Variants in ROS1 observed in about 807,000 individuals in gnomAD.
ROS1 encodes the protein ROS proto-oncogene 1, receptor tyrosine kinase, also known as proto-oncogene tyrosine-protein kinase ROS.
In ROS1, 263 loss-of-function variants were observed where a neutral mutation model predicts 273.5. That is an observed-to-expected ratio of 0.96 (90% confidence interval 0.87 to 1.06). The LOEUF (loss-of-function observed/expected upper bound fraction) is 1.06. ROS1 is among the 50% of genes least tolerant of loss of function. ROS1 has a pLI of 0.00. For synonymous variants in ROS1, 1,008 were observed against 954.1 expected, an observed-to-expected ratio of 1.06 and a Z score of -1.04; for missense variants, 2,833 against 2,751.1, an observed-to-expected ratio of 1.03 and a Z score of -0.67.
chr6:117,378,984 T>C, intron 18 of ROS1, 75 bp downstream of exon 18: 1 of 879,278 alleles, frequency 1.1e-6, no homozygotes, highest in Non-Finnish European at 1.8e-6. Flanking sequence ...AAGGAATAAA[T>C]GAATTTCCAT....
rs17079055 is a variant in ROS1, at chr6:117,337,471, T to A, written c.5062-131A>T. The stretch of plus-strand genomic sequence containing the variant: ...TTCTATTAAAGAATAAGAACTTCTT[T>A]ATGAATGATCCCAAACATTACCCCA... On this transcript the variant is annotated intron_variant, in intron 31 of 43. Coordinates refer to ENST00000368507, the MANE Select transcript of ROS1 (RefSeq NM_001378902.1). The A allele has an allele frequency of 5.7e-3, 3,847 of 675,740 alleles. 123 individuals are homozygous for A. The African/African-American group carries it at 0.061, about 11-fold the overall frequency. 41.9% of individuals were successfully genotyped at this position (675,740 alleles called of 1,614,324 possible).
At chr6:117,315,171 T>C (rs1466503276) in intron 39 of ROS1, among the ~76,000 whole-genome samples, 2 of 152,036 alleles carry the variant, frequency 1.3e-5, no homozygotes, top group Non-Finnish European at 2.9e-5. Context: ...TTTTTAATTC[T>C]ACAAAAAGAT....
chr6:117,311,041 T>C lies in ROS1; in HGVS notation c.6194A>G (p.Glu2065Gly). Residue 2065 changes from glutamate (E) to glycine (G), a missense_variant, in exon 40 of 44, where the codon GAA (glutamate) becomes GGA (glycine). Coordinates refer to ENST00000368507, the MANE Select transcript of ROS1 (RefSeq NM_001378902.1). ...GTACCTGTGAATGAAATGCATCCGT[T>C]CCAAGTAGACACAGCCTTTTGAAAT... ...VDISKGCVYL[E>G]RMHFIHRDLA... is the part of the protein sequence containing the mutation. 1 of 1,610,244 alleles carries C rather than the reference T, an allele frequency of 6.2e-7. No homozygotes were observed. Among genetic ancestry groups the C allele is most frequent in the Non-Finnish European group, 8.5e-7 (1 of 1,177,544 alleles).
At chr6:117,294,956 A>C (rs1774108815) in intron 43 of ROS1, among the ~76,000 whole-genome samples, 1 of 152,176 alleles carries the variant, frequency 6.6e-6, no homozygotes, top group Admixed American at 6.5e-5. Flanking sequence ...AATAGAAAAA[A>C]ATCTGAAAAT....
At chr6:117,421,746 T>A (rs1445828431) in intron 1 of ROS1, among the ~76,000 whole-genome samples, 1 of 152,200 alleles carries the variant, frequency 6.6e-6, no homozygotes, top group African/African-American at 2.4e-5. Flanking sequence ...TATCAGGGAT[T>A]TTTTCTTTAA....
chr6:117,384,495 G>T (rs1345214299), intron 16 of ROS1, among the ~76,000 whole-genome samples: 1 of 152,142 alleles, frequency 6.6e-6, no homozygotes, highest in Admixed American at 6.5e-5. Flanking sequence ...TTCTTTCAAG[G>T]ATTTCAACGC....
intron 18 of ROS1, among the ~76,000 whole-genome samples, chr6:117,369,037 AT>A (rs1171297829): frequency 2.6e-5 from 4 of 152,134 alleles, no homozygotes; most frequent in Admixed American, 2.6e-4. Flanking sequence ...CTTGCATTAT[AT>A]TTGTATTGGA....
chr6:117,300,604 C>T (rs554017), intron 43 of ROS1, among the ~76,000 whole-genome samples: 16,011 of 151,918 alleles, frequency 0.11, 1,036 homozygotes, highest in East Asian at 0.17. Context: ...CTGCATAGGC[C>T]AATGATGATA....
intron 4 of ROS1, among the ~76,000 whole-genome samples, chr6:117,412,182 C>T (rs950706133): frequency 6.6e-6 from 1 of 151,998 alleles, no homozygotes; most frequent in African/African-American, 2.4e-5. Context: ...AGCTGGTAGA[C>T]CTTTGTATTT....
Position 117,389,400 on chromosome 6 carries a change from G to A in ROS1, c.1736C>T (p.Ser579Phe), listed in dbSNP as rs751886816. 8.1e-6 allele frequency: 13 copies of A among 1,614,068 alleles called. No homozygotes were observed. Among genetic ancestry groups the A allele is most frequent in the Middle Eastern group, 1.6e-4 (1 of 6,084 alleles). ...RPQELSVLFG[S>F]HQALVQWKPP... ...CTTCCATTGAACAAGAGCCTGGTGA[G>A]AGCCAAACAGCACCGAAAGCTCCTG... The change falls in exon 13 of 44, where the codon TCT becomes TTT. Residue 579 changes from serine to phenylalanine, a missense_variant. Physicochemically the swap from Ser to Phe is radical, Grantham distance 155. Coordinates refer to ENST00000368507, the MANE Select transcript of ROS1 (RefSeq NM_001378902.1).
At chr6:117,381,793 A>AC (rs1358485367) in intron 17 of ROS1, among the ~76,000 whole-genome samples, 3 of 152,144 alleles carry the variant, frequency 2.0e-5, no homozygotes, top group Admixed American at 2.0e-4. Flanking sequence ...AATGATAGAA[A>AC]TACTATTAGT....
chr6:117,345,970 T>C (rs1426477378), intron 27 of ROS1, among the ~76,000 whole-genome samples: 2 of 152,168 alleles, frequency 1.3e-5, no homozygotes, highest in African/African-American at 2.4e-5. Flanking sequence ...ACTGTGAACC[T>C]AAGTTTGAGG....
At chr6:117,289,205 T>C (rs1205980916) in intron 43 of ROS1, among the ~76,000 whole-genome samples, 2 of 152,250 alleles carry the variant, frequency 1.3e-5, no homozygotes, top group South Asian at 2.1e-4. Context: ...TACTTTTTTA[T>C]ACTTCCACAG....
chr6:117,366,118 T>C lies in ROS1; in HGVS notation c.2755A>G (p.Asn919Asp). Residue 919 changes from asparagine to aspartate, a missense_variant, in exon 19 of 44, where the codon AAT becomes GAT. Coordinates refer to ENST00000368507, the MANE Select transcript of ROS1 (RefSeq NM_001378902.1). ...SVSVLEPARF[N>D]QFTIIQTSLK... Reference sequence around the variant, plus strand: ...GATGTCTGAATAATTGTGAACTGATTAAATCTGGCTGGTTCCAAAACAGAG... The same window carrying C: ...GATGTCTGAATAATTGTGAACTGATCAAATCTGGCTGGTTCCAAAACAGAG... 1 of 1,614,172 alleles carries C rather than the reference T, an allele frequency of 6.2e-7. No individual in the cohort carries two copies. Among genetic ancestry groups the C allele is most frequent in the Non-Finnish European group, 8.5e-7 (1 of 1,179,994 alleles).
In ROS1 at chr6:117,288,338, A is replaced by C; in HGVS notation, c.*154T>G. On this transcript the variant is annotated 3_prime_UTR_variant, in exon 44 of 44. Transcript: ENST00000368507. ...TGGGGATTGCTACAACTGAAACCAA[A>C]TGGCTCTCAGAACCAAGATTAGAAA... is the stretch of plus-strand genomic sequence containing the variant. 2.9e-6 allele frequency: 2 copies of C among 699,066 alleles called. No individual in the cohort carries two copies. The highest frequency in any genetic ancestry group is 4.7e-6 in the Non-Finnish European group (2 of 427,044). The allele number at this position is 699,066 out of a possible 1,614,324, so 43.3% of individuals were successfully genotyped here.
At chr6:117,351,066 A>G (rs963799719) in intron 27 of ROS1, among the ~76,000 whole-genome samples, 1 of 152,192 alleles carries the variant, frequency 6.6e-6, no homozygotes, top group Non-Finnish European at 1.5e-5. Context: ...TGATAGCTGA[A>G]TATGCTGTAC....
At chr6:117,417,097 C>T (rs1458610339) in intron 2 of ROS1, among the ~76,000 whole-genome samples, 1 of 152,034 alleles carries the variant, frequency 6.6e-6, no homozygotes, top group Non-Finnish European at 1.5e-5. Context: ...ATGTTGATAT[C>T]CCCCAAACTT....
At chr6:117,321,513 A>G in intron 35 of ROS1, 119 bp from the exon 36 acceptor site, 1 of 810,542 alleles carries the variant, frequency 1.2e-6, no homozygotes, top group Non-Finnish European at 1.9e-6. Flanking sequence ...TAGAATAGTT[A>G]TAGAAGTTTT....
chr6:117,342,665 T>A (rs1042610144), intron 28 of ROS1, 121 bp from the exon 29 acceptor site: 12 of 673,628 alleles, frequency 1.8e-5, no homozygotes, highest in Non-Finnish European at 2.6e-5. Context: ...TATTTTAAAT[T>A]CTGGATTATT....
Sources: allele counts gnomAD v4.1 joint callset (sites outside exome capture counted in the v4.1 genomes callset), GRCh38; gene constraint gnomAD v4.1.1; transcripts MANE v1.5; gene names NCBI Gene and HGNC (gene_info 2026-07-23, HGNC 2026-07-21).